The following TMEM132D variants were observed in gnomAD, a reference collection of about 807,000 sequenced individuals.
The protein encoded by TMEM132D is mature OL transmembrane protein.
Under a neutral mutation model 62.3 loss-of-function variants are expected in TMEM132D, and 21 were observed. The ratio of observed to expected loss-of-function variants is 0.34; its 90% confidence interval spans 0.24 to 0.49. The LOEUF is 0.49. TMEM132D is among the 20% of genes least tolerant of loss of function. The probability of loss-of-function intolerance (pLI) is 0.99; values close to 1 mark genes in which losing one functional copy is unlikely to be tolerated. For synonymous variants in TMEM132D, 621 were observed against 575.6 expected, an observed-to-expected ratio of 1.08 and a Z score of -1.13; for missense variants, 1,346 against 1,402.8, an observed-to-expected ratio of 0.96 and a Z score of 0.65.
At chr12:129,600,637 T>A (rs539799719) in intron 2 of TMEM132D, among the ~76,000 whole-genome samples, 7 of 152,342 alleles carry the variant, frequency 4.6e-5, no homozygotes, top group African/African-American at 1.4e-4. Flanking sequence ...AATGCTGCAT[T>A]AGAAGGCATG....
intron 1 of TMEM132D, among the ~76,000 whole-genome samples, chr12:129,891,309 C>A (rs1874915844): frequency 6.6e-6 from 1 of 152,196 alleles, no homozygotes; most frequent in African/African-American, 2.4e-5. Context: ...TCCCTCACCC[C>A]TCAAGAGCCA....
At chr12:129,315,059 T>C (rs1188878848) in intron 4 of TMEM132D, among the ~76,000 whole-genome samples, 1 of 152,122 alleles carries the variant, frequency 6.6e-6, no homozygotes, top group South Asian at 2.1e-4. Flanking sequence ...GTACTTAGGG[T>C]TTTTAAGGTA....
chr12:129,633,626 T>C (rs1427077251), intron 2 of TMEM132D, among the ~76,000 whole-genome samples: 1 of 152,184 alleles, frequency 6.6e-6, no homozygotes, highest in African/African-American at 2.4e-5. Context: ...GGAATTTAAG[T>C]ACATCTGAAT....
chr12:129,175,878 T>C (rs1439438747), intron 5 of TMEM132D, among the ~76,000 whole-genome samples: 3 of 152,262 alleles, frequency 2.0e-5, no homozygotes, highest in Admixed American at 2.0e-4. Context: ...CTAGGTTTAG[T>C]AGAGTTGAAA....
intron 4 of TMEM132D, among the ~76,000 whole-genome samples, chr12:129,248,482 A>G (rs1221456085): frequency 1.3e-5 from 2 of 152,088 alleles, no homozygotes; most frequent in Non-Finnish European, 2.9e-5. Flanking sequence ...GATCCCCTCA[A>G]TTGCTATTTA....
chr12:129,865,972 G>A (rs1352560410), intron 1 of TMEM132D, among the ~76,000 whole-genome samples: 1 of 152,132 alleles, frequency 6.6e-6, no homozygotes, highest in Non-Finnish European at 1.5e-5. Flanking sequence ...CTCAGATCGT[G>A]TGCCTAACGA....
chr12:129,737,553 G>A (rs555359740), intron 1 of TMEM132D, among the ~76,000 whole-genome samples: 12 of 151,472 alleles, frequency 7.9e-5, no homozygotes, highest in South Asian at 2.1e-4. Context: ...ATTTCCTACC[G>A]TCCACACCAT....
At chr12:129,212,659 A>G (rs756661864) in intron 4 of TMEM132D, 1 of 152,232 alleles carries the variant, frequency 6.6e-6, no homozygotes, top group Non-Finnish European at 1.5e-5. Context: ...CTCTCTTTAG[A>G]AAACATATCT....
At chr12:129,206,822 G>A (rs528365263) in intron 5 of TMEM132D, among the ~76,000 whole-genome samples, 51 of 152,242 alleles carry the variant, frequency 3.3e-4, no homozygotes, top group Non-Finnish European at 6.0e-4. Context: ...TGGAGCTAGA[G>A]GCCATTATCC....
At chr12:129,729,206 T>G (rs1869137124) in intron 1 of TMEM132D, among the ~76,000 whole-genome samples, 1 of 152,180 alleles carries the variant, frequency 6.6e-6, no homozygotes, top group Non-Finnish European at 1.5e-5. Flanking sequence ...ACCACAGACA[T>G]TTTATTTTTA....
intron 2 of TMEM132D, among the ~76,000 whole-genome samples, chr12:129,546,438 T>A (rs1486799078): frequency 1.3e-5 from 2 of 152,122 alleles, no homozygotes; most frequent in Non-Finnish European, 2.9e-5. Flanking sequence ...TCCCTAGACA[T>A]TAGAAACCTA....
At chr12:129,501,243 A>G (rs1197575182) in intron 3 of TMEM132D, among the ~76,000 whole-genome samples, 3 of 152,242 alleles carry the variant, frequency 2.0e-5, no homozygotes, top group Non-Finnish European at 4.4e-5. Context: ...CTCAGATTAG[A>G]AAAAGGAGGC....
chr12:129,228,618 T>C (rs2135577251), intron 4 of TMEM132D, among the ~76,000 whole-genome samples: 1 of 152,310 alleles, frequency 6.6e-6, no homozygotes, highest in East Asian at 1.9e-4. Context: ...ATGTGATGTG[T>C]GGTCTTTTGA....
intron 3 of TMEM132D, among the ~76,000 whole-genome samples, chr12:129,468,428 C>G (rs1432568636): frequency 1.3e-5 from 2 of 152,160 alleles, no homozygotes; most frequent in Non-Finnish European, 2.9e-5. Context: ...CAAAGAAGAC[C>G]TGAAAGACGT....
chr12:129,323,829 A>C (rs755724876), intron 4 of TMEM132D, among the ~76,000 whole-genome samples: 4 of 152,138 alleles, frequency 2.6e-5, no homozygotes, highest in African/African-American at 4.8e-5. Flanking sequence ...TTCATTAATG[A>C]GGAATAGTGG....
chr12:129,344,771 CG>C (rs1869625184), intron 3 of TMEM132D, among the ~76,000 whole-genome samples: 1 of 152,026 alleles, frequency 6.6e-6, no homozygotes, highest in Non-Finnish European at 1.5e-5. Context: ...CTTTATTTAA[CG>C]GGTCTTAGGG....
At chr12:129,168,125 T>C (rs1372403907) in intron 5 of TMEM132D, among the ~76,000 whole-genome samples, 1 of 152,196 alleles carries the variant, frequency 6.6e-6, no homozygotes, top group Non-Finnish European at 1.5e-5. Context: ...TTGGAAAATG[T>C]GTTCCCTTTT....
chr12:129,874,158 T>C (rs1256574013), intron 1 of TMEM132D, among the ~76,000 whole-genome samples: 1 of 152,214 alleles, frequency 6.6e-6, no homozygotes, highest in African/African-American at 2.4e-5. Context: ...ATATTAAGTC[T>C]TCTTACCACA....
intron 5 of TMEM132D, among the ~76,000 whole-genome samples, chr12:129,178,014 C>T (rs1013519820): frequency 6.6e-6 from 1 of 152,134 alleles, no homozygotes; most frequent in African/African-American, 2.4e-5. Flanking sequence ...TAAGCGAGGA[C>T]ATGTGGTGTT....
Sources: allele counts gnomAD v4.1 joint callset (sites outside exome capture counted in the v4.1 genomes callset), GRCh38; gene constraint gnomAD v4.1.1; transcripts MANE v1.5; gene names NCBI Gene and HGNC (gene_info 2026-07-23, HGNC 2026-07-21).